The following TOR1AIP2 variants were observed in gnomAD, a reference collection of about 807,000 sequenced individuals.
The protein encoded by TOR1AIP2 is torsin 1A interacting protein 2.
A neutral mutation model predicts 32.6 loss-of-function variants in TOR1AIP2; 20 were observed. That is an observed-to-expected ratio of 0.61 (90% CI 0.43 to 0.89). The LOEUF is 0.89. TOR1AIP2 is among the 40% of genes least tolerant of loss of function. The pLI, the probability that TOR1AIP2 is intolerant of heterozygous loss-of-function variation, is 0.00. For missense variants in TOR1AIP2, 456 were observed against 553.8 expected, an observed-to-expected ratio of 0.82 and a Z score of 1.77; for synonymous variants, 214 against 210.8, an observed-to-expected ratio of 1.02 and a Z score of -0.13.
chr1:179,860,145 T>G lies in TOR1AIP2; in HGVS notation c.-147+5291A>C, dbSNP rs1053771317. The G allele has an allele frequency of 3.7e-5, 36 of 985,136 alleles. 1 individual carries two copies. In the African/African-American group the frequency reaches 5.8e-4, roughly 16 times the overall value. 61.0% of individuals were successfully genotyped at this position (985,136 alleles called of 1,614,324 possible). Reference sequence around the variant, plus strand: ...TTACAGTGAGCCACCAGCCAATAAGTTTATAATAATTCAGCCATCAGTTCA... The same window carrying G: ...TTACAGTGAGCCACCAGCCAATAAGGTTATAATAATTCAGCCATCAGTTCA... On this transcript the variant is annotated intron_variant, in intron 3 of 6. Coordinates refer to ENST00000609928, the MANE Select transcript of TOR1AIP2 (RefSeq NM_001199260.2).
chr1:179,866,625 G>A (rs1195163739), intron 2 of TOR1AIP2, among the ~76,000 whole-genome samples: 4 of 152,022 alleles, frequency 2.6e-5, no homozygotes, highest in East Asian at 1.9e-4. Flanking sequence ...GGCTGGTCTC[G>A]AACTCCCGAC....
chr1:179,876,614 C>T (rs1004933208), intron 2 of TOR1AIP2, among the ~76,000 whole-genome samples: 1 of 151,772 alleles, frequency 6.6e-6, no homozygotes, highest in African/African-American at 2.4e-5. Context: ...AATGTTTCCA[C>T]TGGCCTTTTA....
chr1:179,875,816 C>G (rs1197459583), intron 2 of TOR1AIP2: 43 of 152,152 alleles, frequency 2.8e-4, no homozygotes, highest in Admixed American at 2.8e-3. Context: ...TGACTCCAGT[C>G]TATGCTCATT....
chr1:179,874,900 A>T (rs1462826642), intron 2 of TOR1AIP2: 1 of 152,300 alleles, frequency 6.6e-6, no homozygotes, highest in Non-Finnish European at 1.5e-5. Context: ...AGAACCCAAT[A>T]TAGCACTATC....
rs76024171 is a variant in TOR1AIP2 at position 179,857,278 on chromosome 1, C to T, written c.-146-4467G>A. Among the ~76,000 whole-genome samples, 981 of 152,340 alleles carry T rather than the reference C, an allele frequency of 6.4e-3. 7 individuals are homozygous for T. Among genetic ancestry groups the T allele is most frequent in the Non-Finnish European group, 9.8e-3 (665 of 68,040 alleles). ...AAAATGTAGTCTCATTGCTGACAGTCATTTCCACTTCCTTGTGACGCTGAA... is the reference window on the plus strand; with the variant it reads ...AAAATGTAGTCTCATTGCTGACAGTTATTTCCACTTCCTTGTGACGCTGAA... On this transcript the variant is annotated intron_variant, in intron 3 of 6. Coordinates refer to ENST00000609928, the MANE Select transcript of TOR1AIP2 (RefSeq NM_001199260.2).
chr1:179,860,165 A>G, intron 3 of TOR1AIP2: 1 of 985,394 alleles, frequency 1.0e-6, no homozygotes, highest in South Asian at 4.7e-5. Flanking sequence ...TTCAGCCATC[A>G]GTTCAAACAA....
intron 3 of TOR1AIP2, chr1:179,861,946 T>C (rs41267610): frequency 0.046 from 44,971 of 978,446 alleles, 1,130 homozygotes; most frequent in Non-Finnish European, 0.05. Context: ...GTGATCCTGC[T>C]GCCTCAACCT....
chr1:179,859,643 C>T (rs772746555), intron 3 of TOR1AIP2: 1 of 985,362 alleles, frequency 1.0e-6, no homozygotes, highest in Non-Finnish European at 1.2e-6. Context: ...AAAAGTCATA[C>T]AGCAATTATA....
chr1:179,853,333 G>C (rs538086600), intron 3 of TOR1AIP2, among the ~76,000 whole-genome samples: 5 of 152,170 alleles, frequency 3.3e-5, no homozygotes, highest in Non-Finnish European at 7.3e-5. Context: ...TGGTTTTCTC[G>C]AAGTATTCTT....
intron 2 of TOR1AIP2, chr1:179,875,363 A>C (rs1468846063): frequency 6.6e-6 from 1 of 152,198 alleles, no homozygotes; most frequent in African/African-American, 2.4e-5. Flanking sequence ...ACTTAGATGA[A>C]AGAGGCAGTG....
At chr1:179,864,683 A>C in intron 3 of TOR1AIP2, 1 of 1,495,450 alleles carries the variant, frequency 6.7e-7, no homozygotes, top group Non-Finnish European at 8.9e-7. Context: ...CAAAGTAGTG[A>C]CAATCTGGGT....
intron 3 of TOR1AIP2, chr1:179,862,004 G>T (rs1041654825): frequency 1.0e-6 from 1 of 985,310 alleles, no homozygotes; most frequent in Non-Finnish European, 1.2e-6. Flanking sequence ...CCGGCATGAG[G>T]TGTTATTTAT....
intron 3 of TOR1AIP2, chr1:179,860,338 T>C (rs1166419278): frequency 5.5e-6 from 4 of 732,688 alleles, no homozygotes; most frequent in Non-Finnish European, 3.3e-6. Flanking sequence ...AAAAATTAGC[T>C]GGGCATGGTG....
In TOR1AIP2 at chr1:179,845,785, C is replaced by T; in HGVS notation, c.*286G>A. On this transcript the variant is annotated 3_prime_UTR_variant, in exon 7 of 7. Coordinates refer to ENST00000609928, the MANE Select transcript of TOR1AIP2 (RefSeq NM_001199260.2). ...AAGAGTATCTTCCTGTGCAATGTTGCTATATTTTAGAATTTAAAAAAAATT... is the reference window on the plus strand; with the variant it reads ...AAGAGTATCTTCCTGTGCAATGTTGTTATATTTTAGAATTTAAAAAAAATT... 3.4e-6 allele frequency: 1 copy of T among 292,086 alleles called. No individual in the cohort carries two copies. Among genetic ancestry groups the T allele is most frequent in the Non-Finnish European group, 6.3e-6 (1 of 159,446 alleles). 18.1% of individuals were successfully genotyped at this position (292,086 alleles called of 1,614,324 possible). A position where few individuals can be genotyped will look rare whatever the true frequency, so the allele number is the denominator to read the frequency against.
intron 5 of TOR1AIP2, among the ~76,000 whole-genome samples, chr1:179,849,008 T>C (rs1020574995): frequency 6.7e-6 from 1 of 149,812 alleles, no homozygotes; most frequent in Non-Finnish European, 1.5e-5. Flanking sequence ...CGGTGGCGGG[T>C]GCCTGTAGTC....
intron 3 of TOR1AIP2, among the ~76,000 whole-genome samples, chr1:179,858,067 A>C (rs1571674409): frequency 6.6e-6 from 1 of 151,920 alleles, no homozygotes; most frequent in Middle Eastern, 3.4e-3. Context: ...AAGGAGGACG[A>C]TCCTTTGAGC....
At chr1:179,856,010 C>T (rs929259297) in intron 3 of TOR1AIP2, among the ~76,000 whole-genome samples, 4 of 151,766 alleles carry the variant, frequency 2.6e-5, no homozygotes, top group Non-Finnish European at 5.9e-5. Flanking sequence ...GAAACCTCAT[C>T]TCTACAAAAA....
At position 179,850,991 on chromosome 1, in the gene TOR1AIP2, G is replaced by C; in HGVS notation, c.407C>G (p.Ser136Cys). 7 of 1,614,232 alleles carry C rather than the reference G, an allele frequency of 4.3e-6. No individual in the cohort carries two copies. Among genetic ancestry groups the C allele is most frequent in the Non-Finnish European group, 5.1e-6 (6 of 1,180,040 alleles). The change falls in exon 5 of 7, where the codon TCT becomes TGT. Residue 136 changes from serine to cysteine, a missense_variant. Transcript: ENST00000609928. Reference sequence around the variant, plus strand: ...ACTCGCTTCCTTAGGGAGGGCCACAGAGCTGCTCCCTAAGTGTGCATCTGC... The same window carrying C: ...ACTCGCTTCCTTAGGGAGGGCCACACAGCTGCTCCCTAAGTGTGCATCTGC... Reference protein sequence around the residue: ...GRADAHLGSSSVALPKEASDG... With the variant: ...GRADAHLGSSCVALPKEASDG...
chr1:179,867,552 T>C (rs1431634909), intron 2 of TOR1AIP2: 1 of 152,230 alleles, frequency 6.6e-6, no homozygotes, highest in African/African-American at 2.4e-5. Context: ...GACATTTAAT[T>C]GATCAGATTT....
Sources: gnomAD v4.1 joint callset for allele counts (sites outside exome capture counted in the v4.1 genomes callset) on GRCh38, gnomAD v4.1.1 for gene constraint, MANE v1.5 for transcripts, NCBI Gene and HGNC (gene_info 2026-07-23, HGNC 2026-07-21) for gene names.